The following HAS3 variants were observed in gnomAD, a reference collection of about 807,000 sequenced individuals.
The protein encoded by HAS3 is HA synthase 3.
Under a neutral mutation model 50.3 loss-of-function variants are expected in HAS3, and 27 were observed. The ratio of observed to expected loss-of-function variants is 0.54; its 90% CI spans 0.40 to 0.74. HAS3 has a LOEUF of 0.74. HAS3 is among the 30% of genes least tolerant of loss of function. The pLI, the probability that HAS3 is intolerant of heterozygous loss-of-function variation, is 0.00. For missense variants in HAS3, 517 were observed against 742.8 expected (o/e 0.70, Z 3.53); for synonymous variants, 339 against 310.9 (o/e 1.09, Z -0.95).
At chr16:69,090,591 G>C in the HAS3 span, among the ~76,000 whole-genome samples, 2 of 151,200 alleles carry the variant, frequency 1.3e-5, no homozygotes. Flanking sequence ...TTTTTTAGAC[G>C]GAGTCTTGCT....
At position 69,109,539 on chromosome 16, in the gene HAS3, C is replaced by T. The variant is rs371823602; in HGVS notation, c.144C>T (p.Tyr48=). ...TEKHYLSFGL[Y]GAILGLHLLI... The stretch of plus-strand genomic sequence containing the variant: ...AGCACTACCTGTCCTTCGGCCTGTA[C>T]GGCGCCATCCTGGGCCTGCACCTGC... The change falls in exon 2 of 4, where the codon TAC becomes TAT. Residue 48 remains tyrosine, a synonymous_variant. Transcript: ENST00000569188. The surrounding 1 kb of genome is among the most constrained non-coding windows in gnomAD (Gnocchi z 5.3). The T allele has an allele frequency of 2.6e-5, 42 of 1,613,804 alleles. No individual in the cohort carries two copies. Among genetic ancestry groups the T allele is most frequent in the Middle Eastern group, 1.6e-4 (1 of 6,084 alleles).
In HAS3 at chr16:69,109,834, G is replaced by T. The variant is rs746052927; in HGVS notation, c.439G>T (p.Gly147Cys). 1.2e-6 allele frequency: 2 copies of T among 1,613,074 alleles called. No individual in the cohort carries two copies. Among genetic ancestry groups the T allele is most frequent in the East Asian group, 4.5e-5 (2 of 44,882 alleles). Residue 147 changes from glycine to cysteine, a missense_variant, in exon 2 of 4, where the codon GGC (glycine) becomes TGC (cysteine). Gly to Cys is a radical substitution (Grantham distance 159, BLOSUM62 -3). Coordinates refer to ENST00000569188, the MANE Select transcript of HAS3 (RefSeq NM_001199280.2). This position sits in a 1 kb window ranked among gnomAD's most constrained non-coding sequence, Gnocchi z 5.3. ...GGTGCTGGGCGGCACCGAGCAGGCC[G>T]GCTTCTTTGTGTGGCGCAGCAACTT... ...HEVLGGTEQA[G>C]FFVWRSNFHE...
chr16:69,109,491 C>T lies in HAS3; in HGVS notation c.96C>T (p.Gly32=). Reference sequence around the variant, plus strand: ...GCATCCTGGCAGCCTATGTGACGGGCTACCAGTTCATCCACACGGAAAAGC... The same window carrying T: ...GCATCCTGGCAGCCTATGTGACGGGTTACCAGTTCATCCACACGGAAAAGC... ...LGGILAAYVT[G]YQFIHTEKHY... Residue 32 remains glycine (G), a synonymous_variant, in exon 2 of 4, where the codon GGC becomes GGT. Transcript: ENST00000569188. The surrounding 1 kb of genome is among the most constrained non-coding windows in gnomAD (Gnocchi z 5.3). 1 of 1,613,982 alleles carries T rather than the reference C, an allele frequency of 6.2e-7. No individual in the cohort carries two copies. The highest frequency in any genetic ancestry group is 8.5e-7 in the Non-Finnish European group (1 of 1,180,034).
chr16:69,112,092 A>C (rs1383876524), intron 2 of HAS3, among the ~76,000 whole-genome samples: 1 of 152,260 alleles, frequency 6.6e-6, no homozygotes, highest in African/African-American at 2.4e-5. Context: ...GGGGAAACCC[A>C]GGCAGCACGA....
chr16:69,115,514 G>C lies in HAS3; in HGVS notation c.*248G>C. On this transcript the variant is annotated 3_prime_UTR_variant, in exon 4 of 4. Transcript: ENST00000569188. Reference sequence around the variant, plus strand: ...GTGTTTTCAGACTGCCTGTCTGCTTGCATCTGCACATAGGCAGTAGCCTCC... The same window carrying C: ...GTGTTTTCAGACTGCCTGTCTGCTTCCATCTGCACATAGGCAGTAGCCTCC... 4.9e-6 allele frequency: 6 copies of C among 1,228,124 alleles called. No individual in the cohort carries two copies. The highest frequency in any genetic ancestry group is 6.1e-6 in the Non-Finnish European group (6 of 984,090). The allele number at this position is 1,228,124 out of a possible 1,614,324, so 76.1% of individuals were successfully genotyped here.
downstream of HAS3, chr16:69,118,226 A>C: frequency 1.5e-6 from 1 of 671,708 alleles, no homozygotes; most frequent in South Asian, 1.7e-5. Context: ...GGATGAGTAG[A>C]GGGGCCTTAA....
At chr16:69,098,780 C>T in the HAS3 span, among the ~76,000 whole-genome samples, 2 of 150,442 alleles carry the variant, frequency 1.3e-5, no homozygotes, top group Admixed American at 6.6e-5. Flanking sequence ...ATTCTCCTGC[C>T]TCAGCCTCCC....
At chr16:69,111,361 C>G (rs1044233208) in intron 2 of HAS3, among the ~76,000 whole-genome samples, 1 of 151,998 alleles carries the variant, frequency 6.6e-6, no homozygotes, top group Non-Finnish European at 1.5e-5. Context: ...CGTGAGCCAC[C>G]GCACCTGGCC....
chr16:69,096,215 C>CAA, the HAS3 span, among the ~76,000 whole-genome samples: 13 of 58,058 alleles, frequency 2.2e-4, no homozygotes, highest in South Asian at 5.4e-4. Flanking sequence ...GACTCCGTCT[C>CAA]AAAAAAAAAA....
At position 69,112,717 on chromosome 16, in the gene HAS3, G is replaced by C. The variant is rs549487962; in HGVS notation, c.637-724G>C. Among the ~76,000 whole-genome samples, 686 of 152,286 alleles carry C rather than the reference G, an allele frequency of 4.5e-3. 9 individuals carry two copies. Among genetic ancestry groups the C allele is most frequent in the Non-Finnish European group, 6.2e-3 (425 of 68,018 alleles). On this transcript the variant is annotated intron_variant, in intron 2 of 3. Coordinates refer to ENST00000569188, the MANE Select transcript of HAS3 (RefSeq NM_001199280.2). ...GAGTCAGCCACTAGGGCAACTAGTG[G>C]CCTGGGTTCAACTCATAATGAGACC... is the stretch of plus-strand genomic sequence containing the variant.
chr16:69,097,590 T>TG, the HAS3 span, among the ~76,000 whole-genome samples: 1 of 152,226 alleles, frequency 6.6e-6, no homozygotes, highest in East Asian at 1.9e-4. Context: ...TGCAGACACT[T>TG]GCGTGGGAGT....
chr16:69,088,387 C>G, the HAS3 span, among the ~76,000 whole-genome samples: 1 of 151,938 alleles, frequency 6.6e-6, no homozygotes, highest in Non-Finnish European at 1.5e-5. Context: ...TGGCGAAACC[C>G]TGTCTCTACT....
In HAS3 at chr16:69,105,694, G is replaced by C. The variant is rs371072977; in HGVS notation, c.-94G>C. On this transcript the variant is annotated 5_prime_UTR_variant, in exon 1 of 4. Coordinates refer to ENST00000569188, the MANE Select transcript of HAS3 (RefSeq NM_001199280.2). ...TCTTTCCTGCCAGCAGGAAGGTTTT[G>C]CTGCCTTGGCTTTCGGGAGCCCCCT... 9.2e-5 allele frequency: 14 copies of C among 152,346 alleles called. No individual in the cohort carries two copies. In the East Asian group the frequency reaches 1.5e-3, roughly 17 times the overall value. The allele number at this position is 152,346 out of a possible 1,614,324, so 9.4% of individuals were successfully genotyped here.
rs1335713037 is a variant in HAS3, at chr16:69,117,410, C to T, written c.*2144C>T. ...ACTGGTTTTTCTAAGTTATTTTGTACATTTTTCAGCAGCAAAACCAAACTG... is the reference window on the plus strand; with the variant it reads ...ACTGGTTTTTCTAAGTTATTTTGTATATTTTTCAGCAGCAAAACCAAACTG... On this transcript the variant is annotated 3_prime_UTR_variant, in exon 4 of 4. Coordinates refer to ENST00000569188, the MANE Select transcript of HAS3 (RefSeq NM_001199280.2). 11 of 985,664 alleles carry T rather than the reference C, an allele frequency of 1.1e-5. No homozygotes were observed. Among genetic ancestry groups the T allele is most frequent in the Non-Finnish European group, 1.3e-5 (11 of 829,894 alleles). The allele number at this position is 985,664 out of a possible 1,614,324, so 61.1% of individuals were successfully genotyped here.
upstream of HAS3, among the ~76,000 whole-genome samples, chr16:69,104,653 A>G (rs1047107013): frequency 4.6e-5 from 7 of 152,102 alleles, no homozygotes; most frequent in Non-Finnish European, 7.4e-5. Context: ...TTTGTTGCCC[A>G]GGCTGGTCTT....
downstream of HAS3, chr16:69,118,483 C>CAGGG (rs778703283): frequency 3.4e-5 from 47 of 1,393,628 alleles, no homozygotes; most frequent in South Asian, 8.1e-5. Flanking sequence ...CAATGGTGAG[C>CAGGG]AGGGGACTAC....
chr16:69,085,915 G>A, the HAS3 span, among the ~76,000 whole-genome samples: 1 of 151,794 alleles, frequency 6.6e-6, no homozygotes, highest in African/African-American at 2.4e-5. Flanking sequence ...TGCCCAAGCT[G>A]GTATGGAGTA....
chr16:69,097,101 G>C, the HAS3 span, among the ~76,000 whole-genome samples: 5 of 151,960 alleles, frequency 3.3e-5, no homozygotes, highest in Admixed American at 3.3e-4. Flanking sequence ...GCAGTGAGCC[G>C]TGATTGCACC....
At chr16:69,095,913 A>G in the HAS3 span, among the ~76,000 whole-genome samples, 1 of 152,216 alleles carries the variant, frequency 6.6e-6, no homozygotes, top group Non-Finnish European at 1.5e-5. Context: ...GTGCCAGCAC[A>G]ATTAAGAATT....
Sources: gnomAD v4.1 joint callset for allele counts (sites outside exome capture counted in the v4.1 genomes callset) on GRCh38, gnomAD v4.1.1 for gene constraint, Gnocchi (gnomAD v3.1) non-coding constraint, MANE v1.5 for transcripts, NCBI Gene and HGNC (gene_info 2026-07-23, HGNC 2026-07-21) for gene names.